Variants in NEDD4L observed in about 807,000 individuals in gnomAD.
NEDD4L encodes NEDD4 like E3 ubiquitin protein ligase.
Under a neutral mutation model 148.9 loss-of-function variants are expected in NEDD4L, and 54 were observed. The ratio of observed to expected loss-of-function variants is 0.36; its 90% CI spans 0.29 to 0.45. The LOEUF (loss-of-function observed/expected upper bound fraction) is 0.45, where lower values mean the gene tolerates loss of function less well. Among genes scored for constraint, NEDD4L ranks in the 20% least tolerant of loss-of-function variants. The probability of loss-of-function intolerance (pLI) is 1.00; values close to 1 mark genes in which losing one functional copy is unlikely to be tolerated. For synonymous variants in NEDD4L, 433 were observed against 440.7 expected (o/e 0.98, Z 0.22); for missense variants, 856 against 1,233.8 (o/e 0.69, Z 4.59).
At chr18:58,185,828 G>A (rs1215295729) in intron 2 of NEDD4L, among the ~76,000 whole-genome samples, 3 of 151,928 alleles carry the variant, frequency 2.0e-5, no homozygotes, top group East Asian at 1.9e-4. Flanking sequence ...AGCCAAGATC[G>A]CGCCATTGCA....
At chr18:58,362,169 C>G (rs765616602) in intron 19 of NEDD4L, among the ~76,000 whole-genome samples, 1 of 152,332 alleles carries the variant, frequency 6.6e-6, no homozygotes, top group East Asian at 1.9e-4. Flanking sequence ...GGCAAGGGAA[C>G]GGGCATCATA....
At chr18:58,156,086 G>A (rs972371412) in intron 1 of NEDD4L, among the ~76,000 whole-genome samples, 1 of 152,284 alleles carries the variant, frequency 6.6e-6, no homozygotes, top group Admixed American at 6.5e-5. Context: ...ATTCAAGCTG[G>A]TCCTTAGCCA....
chr18:58,197,109 T>C (rs796917031), intron 2 of NEDD4L, among the ~76,000 whole-genome samples: 3 of 152,284 alleles, frequency 2.0e-5, no homozygotes, highest in African/African-American at 4.8e-5. Flanking sequence ...ATTGGGTCCC[T>C]GGATGTGGGA....
intron 1 of NEDD4L, among the ~76,000 whole-genome samples, chr18:58,108,530 C>G (rs541860604): frequency 6.6e-6 from 1 of 152,152 alleles, no homozygotes; most frequent in Non-Finnish European, 1.5e-5. Context: ...AAGTGATTCT[C>G]GTGTCTCAGC....
intron 18 of NEDD4L, 133 bp downstream of exon 18, chr18:58,351,178 A>G (rs563787655): frequency 1.2e-4 from 182 of 1,508,376 alleles, no homozygotes; most frequent in Non-Finnish European, 1.6e-4. Context: ...AAATGATACC[A>G]GAGAATCAGT....
At chr18:58,088,677 A>G (rs76458804) in intron 1 of NEDD4L, among the ~76,000 whole-genome samples, 5,581 of 152,292 alleles carry the variant, frequency 0.037, 331 homozygotes, top group African/African-American at 0.13. Flanking sequence ...TTATTACCCA[A>G]TGTCCATTTT....
chr18:58,309,003 AGCGCTGTCCTCG>A (rs1335708137), intron 5 of NEDD4L, among the ~76,000 whole-genome samples: 4 of 152,316 alleles, frequency 2.6e-5, no homozygotes, highest in East Asian at 3.9e-4. Context: ...CGCTGTCCTC[AGCGCTGTCCTCG>A]GCGCTCTCTC....
At chr18:58,068,294 G>A (rs760239592) in intron 1 of NEDD4L, among the ~76,000 whole-genome samples, 3 of 150,166 alleles carry the variant, frequency 2.0e-5, no homozygotes, top group Admixed American at 6.7e-5. Flanking sequence ...CCGCCTCCCA[G>A]GTTCACCCCA....
intron 2 of NEDD4L, among the ~76,000 whole-genome samples, chr18:58,187,914 C>T (rs370639570): frequency 1.3e-5 from 2 of 152,262 alleles, no homozygotes; most frequent in South Asian, 2.1e-4. Context: ...TTCTAACTTT[C>T]TAAAGAGCTG....
intron 4 of NEDD4L, among the ~76,000 whole-genome samples, chr18:58,251,393 A>G (rs1345365107): frequency 1.3e-5 from 2 of 152,092 alleles, no homozygotes; most frequent in Admixed American, 6.6e-5. Flanking sequence ...CAGGCATGGT[A>G]GTCCAAGCTA....
rs1049867141 is a variant in NEDD4L at position 58,256,372 on chromosome 18, C to T, written c.297+4318C>T. The T allele has an allele frequency of 4.1e-6, 5 of 1,232,178 alleles. No homozygotes were observed. Among genetic ancestry groups the T allele is most frequent in the Non-Finnish European group, 4.0e-6 (4 of 988,064 alleles). 76.3% of individuals were successfully genotyped at this position (1,232,178 alleles called of 1,614,324 possible). Reference sequence around the variant, plus strand: ...GCTCTGGGAAGCGGTGTTTTGTCTTCCAGTTGCAGCAGCCCCAACAAGGCG... The same window carrying T: ...GCTCTGGGAAGCGGTGTTTTGTCTTTCAGTTGCAGCAGCCCCAACAAGGCG... On this transcript the variant is annotated intron_variant, in intron 5 of 30. Coordinates refer to ENST00000400345, the MANE Select transcript of NEDD4L (RefSeq NM_001144967.3). This position sits in a 1 kb window ranked among gnomAD's most constrained non-coding sequence, Gnocchi z 5.2.
At chr18:58,376,788 C>A (rs937819523) in intron 24 of NEDD4L, among the ~76,000 whole-genome samples, 1 of 152,242 alleles carries the variant, frequency 6.6e-6, no homozygotes, top group African/African-American at 2.4e-5. Context: ...TTACTTTGTC[C>A]CACAAGGTCC....
At chr18:58,313,869 G>A (rs1223628965) in intron 5 of NEDD4L, among the ~76,000 whole-genome samples, 1 of 152,240 alleles carries the variant, frequency 6.6e-6, no homozygotes, top group Non-Finnish European at 1.5e-5. Context: ...AAGTTTTGTT[G>A]AAGTGCACTT....
chr18:58,255,802 C>T, intron 5 of NEDD4L: 2 of 1,232,554 alleles, frequency 1.6e-6, no homozygotes, highest in Admixed American at 4.2e-5. Flanking sequence ...GAGGGGAGGA[C>T]GGCGGCGGAG....
chr18:58,307,124 A>G (rs1302288503), intron 5 of NEDD4L, among the ~76,000 whole-genome samples: 4 of 152,202 alleles, frequency 2.6e-5, no homozygotes, highest in Non-Finnish European at 4.4e-5. Context: ...AAAGGATCTG[A>G]GACAGCCAGG....
chr18:58,234,957 C>T (rs759239682), intron 2 of NEDD4L, among the ~76,000 whole-genome samples: 2 of 152,028 alleles, frequency 1.3e-5, no homozygotes, highest in Admixed American at 6.6e-5. Context: ...CCGACAATTT[C>T]GCCTGTGAGA....
intron 2 of NEDD4L, among the ~76,000 whole-genome samples, chr18:58,207,704 C>T (rs952969763): frequency 3.3e-5 from 5 of 152,202 alleles, no homozygotes; most frequent in African/African-American, 1.2e-4. Context: ...TCTGCACTCA[C>T]TCACGAGTGT....
At chr18:58,110,816 C>T (rs1232318741) in intron 1 of NEDD4L, among the ~76,000 whole-genome samples, 1 of 152,210 alleles carries the variant, frequency 6.6e-6, no homozygotes, top group Non-Finnish European at 1.5e-5. Flanking sequence ...CAGTATATGC[C>T]TGTGCATGTG....
chr18:58,224,998 A>T (rs2044192504), intron 2 of NEDD4L, among the ~76,000 whole-genome samples: 1 of 152,096 alleles, frequency 6.6e-6, no homozygotes, highest in African/African-American at 2.4e-5. Flanking sequence ...TTATTTGTTT[A>T]TTGATAGGGG....
Sources: allele counts gnomAD v4.1 joint callset (sites outside exome capture counted in the v4.1 genomes callset), GRCh38; gene constraint gnomAD v4.1.1; non-coding constraint Gnocchi (gnomAD v3.1); transcripts MANE v1.5; gene names NCBI Gene and HGNC (gene_info 2026-07-23, HGNC 2026-07-21).